Variants in COQ3 observed in about 807,000 individuals in gnomAD.
COQ3 encodes the protein ubiquinone biosynthesis O-methyltransferase, mitochondrial.
A neutral mutation model predicts 33.1 loss-of-function variants in COQ3; 29 were observed. The ratio of observed to expected loss-of-function variants is 0.88; its 90% CI spans 0.65 to 1.19. COQ3 has a LOEUF of 1.19. Ranked by LOEUF, COQ3 falls within the 50% of genes most tolerant of loss-of-function variation. The probability of loss-of-function intolerance (pLI) is 0.00; values close to 1 mark genes in which losing one functional copy is unlikely to be tolerated. For synonymous variants in COQ3, 173 were observed against 157.8 expected, an observed-to-expected ratio of 1.10 and a Z score of -0.72; for missense variants, 437 against 430.7, an observed-to-expected ratio of 1.01 and a Z score of -0.13.
At chr6:99,377,540 A>C in intron 3 of COQ3, 55 bp from the exon 4 acceptor site, 1 of 1,256,526 alleles carries the variant, frequency 8.0e-7, no homozygotes, top group Non-Finnish European at 1.1e-6. Context: ...TATCAACGAA[A>C]AGTCACAAAG....
At chr6:99,382,818 T>C (rs1562207084) in intron 2 of COQ3, among the ~76,000 whole-genome samples, 1 of 152,116 alleles carries the variant, frequency 6.6e-6, no homozygotes, top group Non-Finnish European at 1.5e-5. Flanking sequence ...CCGGGTGTGG[T>C]GGTGCATGCC....
chr6:99,393,053 A>G (rs1246651649), intron 1 of COQ3, among the ~76,000 whole-genome samples: 1 of 152,164 alleles, frequency 6.6e-6, no homozygotes, highest in Non-Finnish European at 1.5e-5. Flanking sequence ...CATGTTTACT[A>G]AAAAAAGTTC....
intron 1 of COQ3, among the ~76,000 whole-genome samples, chr6:99,393,049 T>C (rs1774874154): frequency 6.6e-6 from 1 of 152,158 alleles, no homozygotes; most frequent in African/African-American, 2.4e-5. Flanking sequence ...GACACATGTT[T>C]ACTAAAAAAA....
intron 1 of COQ3, among the ~76,000 whole-genome samples, chr6:99,388,777 G>A (rs145938270): frequency 0.018 from 2,721 of 152,158 alleles, 35 homozygotes; most frequent in Non-Finnish European, 0.027. Flanking sequence ...GAACCCAGGA[G>A]GCAGAGGTTG....
intron 4 of COQ3, among the ~76,000 whole-genome samples, chr6:99,376,840 G>A (rs1024727110): frequency 6.6e-5 from 10 of 151,924 alleles, no homozygotes; most frequent in African/African-American, 2.2e-4. Flanking sequence ...GCGGCAGCCC[G>A]TAATCCCAGC....
Position 99,394,056 on chromosome 6 carries a change from C to T in COQ3, c.106+18G>A, listed in dbSNP as rs373056331. 81 of 1,603,604 alleles carry T rather than the reference C, an allele frequency of 5.1e-5. No homozygotes were observed. In the African/African-American group the frequency reaches 9.8e-4, roughly 19 times the overall value. On this transcript the variant is annotated intron_variant, in intron 1 of 6. Coordinates refer to ENST00000254759, the MANE Select transcript of COQ3 (RefSeq NM_017421.4). ...TCGCAATTGACTGCATGCGAAGGAC[C>T]TCCGCACACACACTCACCCGCCGAG...
chr6:99,387,380 G>A (rs1774681725), intron 1 of COQ3, among the ~76,000 whole-genome samples: 1 of 152,168 alleles, frequency 6.6e-6, no homozygotes, highest in Non-Finnish European at 1.5e-5. Context: ...GAGCCTGAGA[G>A]GTAGAGGCTG....
At chr6:99,377,575 A>C in intron 3 of COQ3, 90 bp from the exon 4 acceptor site, 1 of 700,064 alleles carries the variant, frequency 1.4e-6, no homozygotes, top group Non-Finnish European at 2.3e-6. Flanking sequence ...GGAAATATTA[A>C]CCTCCATTTA....
At chr6:99,386,694 T>G (rs1007000798) in intron 1 of COQ3, among the ~76,000 whole-genome samples, 5 of 152,074 alleles carry the variant, frequency 3.3e-5, no homozygotes, top group African/African-American at 4.8e-5. Flanking sequence ...ATTCTACAAT[T>G]TAGACAAAAT....
At chr6:99,375,386 CTT>C (rs895746698) in intron 5 of COQ3, among the ~76,000 whole-genome samples, 58 of 138,904 alleles carry the variant, frequency 4.2e-4, no homozygotes, top group Non-Finnish European at 3.0e-4. Context: ...CAATATTTTT[CTT>C]TTTTTTTTTT....
intron 4 of COQ3, 52 bp downstream of exon 4, chr6:99,377,334 A>C (rs1306750986): frequency 1.6e-6 from 2 of 1,238,456 alleles, no homozygotes; most frequent in Admixed American, 3.4e-5. Context: ...GCACAAGTCT[A>C]CTTCTTAATT....
chr6:99,379,396 C>T (rs565241932), intron 3 of COQ3, among the ~76,000 whole-genome samples: 1 of 152,322 alleles, frequency 6.6e-6, no homozygotes, highest in Non-Finnish European at 1.5e-5. Flanking sequence ...ACTTCCACAG[C>T]AACCTATAAG....
chr6:99,376,983 C>T (rs951416122), intron 4 of COQ3, among the ~76,000 whole-genome samples: 1 of 135,204 alleles, frequency 7.4e-6, no homozygotes, highest in Non-Finnish European at 1.7e-5. Flanking sequence ...AGATTAAAAT[C>T]AATATTATGG....
chr6:99,378,890 GC>G (rs1413115363), intron 3 of COQ3, among the ~76,000 whole-genome samples: 2 of 151,438 alleles, frequency 1.3e-5, no homozygotes, highest in Admixed American at 6.6e-5. Context: ...ACAGTGCTTT[GC>G]CCAAAATTGT....
intron 3 of COQ3, among the ~76,000 whole-genome samples, chr6:99,378,235 G>A (rs973127352): frequency 8.1e-5 from 12 of 147,910 alleles, no homozygotes; most frequent in Non-Finnish European, 1.5e-4. Context: ...TATTCATAAT[G>A]AGGATATCTT....
At chr6:99,378,105 CATATATATATATATATATATATATAT>C (rs57039767) in intron 3 of COQ3, among the ~76,000 whole-genome samples, 69 of 77,546 alleles carry the variant, frequency 8.9e-4, no homozygotes, top group East Asian at 2.2e-3. Flanking sequence ...GTAAACTAAA[CATATATATATATATATATATATATAT>C]ATATATATAT....
intron 1 of COQ3, among the ~76,000 whole-genome samples, chr6:99,393,189 T>C (rs1774877703): frequency 6.6e-6 from 1 of 151,076 alleles, no homozygotes; most frequent in Non-Finnish European, 1.5e-5. Flanking sequence ...TACTGATTTG[T>C]AACTTTTTTT....
intron 6 of COQ3, among the ~76,000 whole-genome samples, chr6:99,370,972 C>T (rs535003923): frequency 2.0e-5 from 3 of 151,976 alleles, no homozygotes; most frequent in African/African-American, 7.2e-5. Context: ...TGAAAAAAAC[C>T]ACCAAAATAA....
intron 1 of COQ3, among the ~76,000 whole-genome samples, chr6:99,391,863 G>T (rs1774841684): frequency 6.6e-6 from 1 of 152,126 alleles, no homozygotes; most frequent in African/African-American, 2.4e-5. Context: ...GCCATGCATT[G>T]TGGTGCCTGC....
Sources: gnomAD v4.1 joint callset for allele counts (sites outside exome capture counted in the v4.1 genomes callset) on GRCh38, gnomAD v4.1.1 for gene constraint, MANE v1.5 for transcripts, NCBI Gene and HGNC (gene_info 2026-07-23, HGNC 2026-07-21) for gene names.